The following NBAS variants were observed in gnomAD, a reference collection of about 807,000 sequenced individuals.
NBAS encodes the protein NAG/BC035112 fusion.
A neutral mutation model predicts 302.5 loss-of-function variants in NBAS; 219 were observed. The observed-to-expected ratio is 0.72, with a 90% CI of 0.65 to 0.81. The LOEUF is 0.81. Ranked by LOEUF, NBAS falls within the 30% of genes least tolerant of loss-of-function variation. The pLI, the probability that NBAS is intolerant of heterozygous loss-of-function variation, is 0.00. For synonymous variants in NBAS, 1,118 were observed against 1,021.6 expected, an observed-to-expected ratio of 1.09 and a Z score of -1.80; for missense variants, 2,932 against 2,841.6, an observed-to-expected ratio of 1.03 and a Z score of -0.72.
the NBAS span, among the ~76,000 whole-genome samples, chr2:14,963,693 A>C: frequency 3.9e-5 from 6 of 152,058 alleles, no homozygotes. Context: ...TCTTGTCACA[A>C]CTCCTTGCTA....
chr2:15,119,575 G>C, the NBAS span, among the ~76,000 whole-genome samples: 1 of 152,062 alleles, frequency 6.6e-6, no homozygotes, highest in Admixed American at 6.5e-5. Context: ...TCCTGACCTC[G>C]TGATCCACCT....
chr2:15,511,150 C>T (rs1662120830), intron 10 of NBAS, 62 bp downstream of exon 10: 1 of 1,600,828 alleles, frequency 6.2e-7, no homozygotes, highest in African/African-American at 1.3e-5. Flanking sequence ...ACTTATTTGT[C>T]TAAGACAAAT....
intron 40 of NBAS, among the ~76,000 whole-genome samples, chr2:15,303,468 G>A (rs1313600882): frequency 1.3e-5 from 2 of 152,174 alleles, no homozygotes; most frequent in Non-Finnish European, 2.9e-5. Flanking sequence ...TAGGAACACA[G>A]AAGCAGAAAC....
intron 24 of NBAS, 149 bp downstream of exon 24, chr2:15,417,378 C>CA (rs1676994383): frequency 1.4e-6 from 1 of 704,058 alleles, no homozygotes; most frequent in Non-Finnish European, 2.3e-6. Flanking sequence ...GTAAGTTATG[C>CA]ATAATATTTT....
chr2:15,165,859 C>T (rs2125092194), downstream of NBAS, among the ~76,000 whole-genome samples: 1 of 152,356 alleles, frequency 6.6e-6, no homozygotes, highest in East Asian at 1.9e-4. Context: ...AATATCATCT[C>T]ATCTACCTAG....
the NBAS span, among the ~76,000 whole-genome samples, chr2:14,896,242 C>A: frequency 6.6e-6 from 1 of 151,998 alleles, no homozygotes; most frequent in Non-Finnish European, 1.5e-5. Flanking sequence ...CCTCACTTTG[C>A]CCTCAAAATA....
the NBAS span, among the ~76,000 whole-genome samples, chr2:14,823,115 C>T: frequency 2.0e-5 from 3 of 152,270 alleles, no homozygotes; most frequent in South Asian, 2.1e-4. Flanking sequence ...CTCTTATTCC[C>T]GTCAGGACCC....
chr2:15,415,186 T>C (rs1246175077), intron 25 of NBAS, among the ~76,000 whole-genome samples: 2 of 152,164 alleles, frequency 1.3e-5, no homozygotes, highest in Non-Finnish European at 2.9e-5. Flanking sequence ...TTTCTTGTAA[T>C]ATTAACATAA....
chr2:15,306,621 A>G (rs1422391470), intron 40 of NBAS, among the ~76,000 whole-genome samples: 1 of 152,224 alleles, frequency 6.6e-6, no homozygotes, highest in Non-Finnish European at 1.5e-5. Context: ...CATAAAATAT[A>G]AGACCTGGAA....
chr2:14,960,657 T>C, the NBAS span, among the ~76,000 whole-genome samples: 41 of 152,284 alleles, frequency 2.7e-4, no homozygotes, highest in Non-Finnish European at 4.6e-4. Flanking sequence ...AAATAAAACA[T>C]TTATGAGTCC....
intron 30 of NBAS, among the ~76,000 whole-genome samples, chr2:15,376,194 C>T (rs879590226): frequency 3.9e-5 from 6 of 152,126 alleles, no homozygotes; most frequent in South Asian, 2.1e-4. Flanking sequence ...AATGTAAGCG[C>T]TATTTCCTGC....
chr2:15,189,002 G>C (rs963996749), intron 49 of NBAS, among the ~76,000 whole-genome samples: 1 of 152,146 alleles, frequency 6.6e-6, no homozygotes, highest in Admixed American at 6.5e-5. Flanking sequence ...AGTATGGAGA[G>C]ATGGACTCCA....
Position 15,287,121 on chromosome 2 carries a change from C to G in NBAS, c.5090G>C (p.Arg1697Pro). The change falls in exon 42 of 52, where the codon CGC (arginine) becomes CCC (proline). Residue 1697 changes from arginine (R) to proline (P), a missense_variant. Arg to Pro is a moderately radical substitution (Grantham distance 103, BLOSUM62 -2). Coordinates refer to ENST00000281513, the MANE Select transcript of NBAS (RefSeq NM_015909.4). Reference protein sequence around the residue: ...ISLAQRYSVSRWEVFMTHLEF... With the variant: ...ISLAQRYSVSPWEVFMTHLEF... ...CAAATGGGTCATAAAAACTTCCCAG[C>G]GGGAGACACTGTAACGTTGTGCCAG... 6.2e-7 allele frequency: 1 copy of G among 1,613,964 alleles called. No homozygotes were observed. Among genetic ancestry groups the G allele is most frequent in the Non-Finnish European group, 8.5e-7 (1 of 1,179,896 alleles).
chr2:15,409,331 A>G (rs1308379972), intron 25 of NBAS, among the ~76,000 whole-genome samples: 1 of 152,116 alleles, frequency 6.6e-6, no homozygotes, highest in Non-Finnish European at 1.5e-5. Flanking sequence ...TCTTTCATTG[A>G]TTTTAGGAAA....
downstream of NBAS, among the ~76,000 whole-genome samples, chr2:15,165,655 G>C (rs1175693456): frequency 2.0e-5 from 3 of 152,140 alleles, no homozygotes; most frequent in Non-Finnish European, 4.4e-5. Flanking sequence ...GTTGTGTGTA[G>C]GGCACCGGTG....
At chr2:15,310,996 T>A (rs1671249345) in intron 38 of NBAS, among the ~76,000 whole-genome samples, 2 of 152,200 alleles carry the variant, frequency 1.3e-5, no homozygotes, top group African/African-American at 4.8e-5. Context: ...GAAACCATTG[T>A]CAGAACCAGA....
chr2:15,107,391 G>A, the NBAS span, among the ~76,000 whole-genome samples: 5 of 152,226 alleles, frequency 3.3e-5, no homozygotes, highest in Non-Finnish European at 5.9e-5. Context: ...ATAAATGGCT[G>A]TTGTTTAAGC....
chr2:15,437,969 C>T (rs112606646), intron 21 of NBAS, among the ~76,000 whole-genome samples: 53 of 152,234 alleles, frequency 3.5e-4, no homozygotes, highest in Non-Finnish European at 7.2e-4. Context: ...TCCATAAATG[C>T]CCTTGAGAGA....
At chr2:14,864,364 C>T in the NBAS span, among the ~76,000 whole-genome samples, 1 of 150,438 alleles carries the variant, frequency 6.6e-6, no homozygotes, top group Admixed American at 6.6e-5. Context: ...ACAGCCAAGA[C>T]TTGAATCCTT....
Sources: allele counts gnomAD v4.1 joint callset (sites outside exome capture counted in the v4.1 genomes callset), GRCh38; gene constraint gnomAD v4.1.1; transcripts MANE v1.5; gene names NCBI Gene and HGNC (gene_info 2026-07-23, HGNC 2026-07-21).